Variants in AIM2 observed in about 807,000 individuals in gnomAD.
The protein encoded by AIM2 is absent in melanoma 2.
Under a neutral mutation model 27.7 loss-of-function variants are expected in AIM2, and 30 were observed. The ratio of observed to expected loss-of-function variants is 1.08; its 90% CI spans 0.81 to 1.47. AIM2 has a LOEUF of 1.47. AIM2 is among the 40% of genes most tolerant of loss of function. The pLI is 0.00. For synonymous variants in AIM2, 141 were observed against 145.3 expected (o/e 0.97, Z 0.21); for missense variants, 358 against 411.3 (o/e 0.87, Z 1.12).
upstream of AIM2, among the ~76,000 whole-genome samples, chr1:159,145,209 A>G (rs1037379152): frequency 6.6e-6 from 1 of 152,148 alleles, no homozygotes; most frequent in Non-Finnish European, 1.5e-5. Context: ...TGTTCAGGTC[A>G]TAACTCCTAC....
intron 1 of AIM2, among the ~76,000 whole-genome samples, chr1:159,130,097 C>T (rs529913063): frequency 5.3e-5 from 8 of 152,260 alleles, no homozygotes; most frequent in Non-Finnish European, 4.4e-5. Context: ...CTCGTGCACC[C>T]TTTTTTAAAA....
chr1:159,115,239 G>A (rs1354651629), intron 1 of AIM2, among the ~76,000 whole-genome samples: 9 of 152,108 alleles, frequency 5.9e-5, no homozygotes, highest in Non-Finnish European at 1.0e-4. Context: ...AATCAATATC[G>A]TGAAAATGGC....
intron 1 of AIM2, among the ~76,000 whole-genome samples, chr1:159,089,925 A>C (rs1238615046): frequency 1.3e-5 from 2 of 152,180 alleles, no homozygotes; most frequent in African/African-American, 4.8e-5. Context: ...CAGCTGCTAG[A>C]AGTGTTACAG....
chr1:159,120,740 G>A (rs1360173472), intron 1 of AIM2, among the ~76,000 whole-genome samples: 1 of 152,126 alleles, frequency 6.6e-6, no homozygotes. Context: ...CGTGACTGTT[G>A]GAAGGAAAGG....
chr1:159,112,221 G>A (rs1427796769), intron 1 of AIM2, among the ~76,000 whole-genome samples: 2 of 152,040 alleles, frequency 1.3e-5, no homozygotes, highest in East Asian at 3.9e-4. Context: ...CTGAAGGGTT[G>A]AAAAGAAAAG....
chr1:159,134,406 T>C (rs1385348435), intron 1 of AIM2, among the ~76,000 whole-genome samples: 1 of 152,208 alleles, frequency 6.6e-6, no homozygotes, highest in Non-Finnish European at 1.5e-5. Context: ...TTTCAGTGGT[T>C]TTCCATTGTT....
intron 1 of AIM2, among the ~76,000 whole-genome samples, chr1:159,139,192 C>T (rs938790650): frequency 6.6e-6 from 1 of 152,186 alleles, no homozygotes; most frequent in Non-Finnish European, 1.5e-5. Context: ...GACCCTCTAC[C>T]TACTTGGCTG....
At chr1:159,087,700 G>A (rs568445782) in intron 1 of AIM2, among the ~76,000 whole-genome samples, 1 of 151,506 alleles carries the variant, frequency 6.6e-6, no homozygotes, top group South Asian at 2.1e-4. Flanking sequence ...AGCCTCTGGA[G>A]TACCTTGGAT....
intron 1 of AIM2, among the ~76,000 whole-genome samples, chr1:159,106,537 C>G (rs908391372): frequency 6.6e-6 from 1 of 152,166 alleles, no homozygotes; most frequent in Non-Finnish European, 1.5e-5. Context: ...CTTCTGAAAG[C>G]CTTGTAGAAA....
chr1:159,073,774 G>A (rs963943838), intron 1 of AIM2, among the ~76,000 whole-genome samples: 2 of 152,150 alleles, frequency 1.3e-5, no homozygotes, highest in Non-Finnish European at 2.9e-5. Context: ...GGTAGCTCAC[G>A]CCTGTAATAA....
chr1:159,121,174 C>T (rs1051030822), intron 1 of AIM2, among the ~76,000 whole-genome samples: 6 of 152,172 alleles, frequency 3.9e-5, no homozygotes, highest in African/African-American at 1.4e-4. Flanking sequence ...AAGAATTATT[C>T]AAGACAAATG....
In AIM2 at chr1:159,089,323, A is replaced by G. The variant is rs1656994806; in HGVS notation, c.-15-22994T>C. On this transcript the variant is annotated intron_variant, in intron 1 of 2. Transcript: ENST00000368129. ...AGGTCATACAATTAGTGAATGGTAG[A>G]AATAAGATTTGAACTTCATCTGGTG... 2.0e-5 allele frequency among the ~76,000 whole-genome samples: 3 copies of G among 152,256 alleles called. No individual in the cohort carries two copies. The South Asian group carries it at 6.2e-4, about 31-fold the overall frequency.
In AIM2 at chr1:159,073,337, T is replaced by C. The variant is rs1388611876; in HGVS notation, c.163A>G (p.Asn55Asp). Residue 55 changes from asparagine to aspartate, a missense_variant, in exon 2 of 6, where the codon AAT (asparagine) becomes GAT (aspartate). Coordinates refer to ENST00000368130, the MANE Select transcript of AIM2 (RefSeq NM_004833.3). The part of the protein sequence containing the change: ...RIQVATLMIQ[N>D]AGAVSAVMKT... The stretch of plus-strand genomic sequence containing the variant: ...ATCACTGCAGACACCGCCCCAGCAT[T>C]TTGAATCATCAAGGTAGCTACTTGT... The C allele has an allele frequency of 1.6e-5, 26 of 1,614,094 alleles. No individual in the cohort carries two copies. Among genetic ancestry groups the C allele is most frequent in the Non-Finnish European group, 2.1e-5 (25 of 1,180,044 alleles).
In AIM2 at chr1:159,084,121, C is replaced by A. The variant is rs533664919; in HGVS notation, c.-15-17792G>T. Among the ~76,000 whole-genome samples the A allele has an allele frequency of 1.3e-4, 20 of 152,312 alleles. No individual in the cohort carries two copies. The East Asian group carries it at 3.9e-3, about 29-fold the overall frequency. The stretch of plus-strand genomic sequence containing the variant: ...GAGTTTAAAGAAGTTAAGTCATTTG[C>A]TCAAGGGTACCCTGCTAGTATGTGG... On this transcript the variant is annotated intron_variant, in intron 1 of 2. Transcript: ENST00000368129.
chr1:159,118,328 T>C (rs184325070), intron 1 of AIM2, among the ~76,000 whole-genome samples: 4 of 152,336 alleles, frequency 2.6e-5, no homozygotes, highest in Admixed American at 2.0e-4. Flanking sequence ...AAATTGTCAC[T>C]TTCCTGATTT....
At chr1:159,117,664 A>G (rs1227251215) in intron 1 of AIM2, among the ~76,000 whole-genome samples, 1 of 152,158 alleles carries the variant, frequency 6.6e-6, no homozygotes, top group Non-Finnish European at 1.5e-5. Flanking sequence ...GGTTAAAAAT[A>G]TAAAAGAAAA....
intron 1 of AIM2, among the ~76,000 whole-genome samples, chr1:159,133,954 G>A (rs1021359791): frequency 2.6e-5 from 4 of 152,020 alleles, no homozygotes; most frequent in Non-Finnish European, 2.9e-5. Context: ...ACCTTCATAC[G>A]TGTGTGACAT....
chr1:159,146,708 C>T (rs560718725), intron 1 of AIM2, among the ~76,000 whole-genome samples: 3 of 152,232 alleles, frequency 2.0e-5, no homozygotes, highest in African/African-American at 7.2e-5. Context: ...CTAGATTCAG[C>T]CCACTGCTCT....
At chr1:159,067,979 C>CT (rs1233108625) in intron 3 of AIM2, among the ~76,000 whole-genome samples, 5 of 151,902 alleles carry the variant, frequency 3.3e-5, no homozygotes, top group Non-Finnish European at 7.4e-5. Context: ...GTATAAAGGG[C>CT]TTTTTTACAT....
Sources: allele counts gnomAD v4.1 joint callset (sites outside exome capture counted in the v4.1 genomes callset), GRCh38; gene constraint gnomAD v4.1.1; transcripts MANE v1.5; gene names NCBI Gene and HGNC (gene_info 2026-07-23, HGNC 2026-07-21).